The following GRM5 variants were observed in gnomAD, a reference collection of about 807,000 sequenced individuals.
GRM5 encodes the protein metabotropic glutamate receptor 5.
Under a neutral mutation model 83.1 loss-of-function variants are expected in GRM5, and 19 were observed. That is an observed-to-expected ratio of 0.23 (90% CI 0.16 to 0.34). The LOEUF (loss-of-function observed/expected upper bound fraction) is 0.34. GRM5 is among the 10% of genes least tolerant of loss of function. The pLI, the probability that GRM5 is intolerant of heterozygous loss-of-function variation, is 1.00. For missense variants in GRM5, 1,160 were observed against 1,588.3 expected, an observed-to-expected ratio of 0.73 and a Z score of 4.58; for synonymous variants, 675 against 633.6, an observed-to-expected ratio of 1.07 and a Z score of -0.98.
chr11:88,681,680 C>T (rs1423407395), intron 3 of GRM5, among the ~76,000 whole-genome samples: 1 of 147,818 alleles, frequency 6.8e-6, no homozygotes, highest in East Asian at 2.0e-4. Context: ...AAACGATTCT[C>T]CTACCTCAGC....
intron 2 of GRM5, among the ~76,000 whole-genome samples, chr11:88,860,093 AT>A (rs769403057): frequency 2.6e-5 from 4 of 152,120 alleles, no homozygotes; most frequent in Non-Finnish European, 4.4e-5. Context: ...AAAAACAGTG[AT>A]TTTGGTGTTA....
intron 9 of GRM5, among the ~76,000 whole-genome samples, 192 bp from the exon 10 acceptor site, chr11:88,509,696 A>G (rs1941309199): frequency 6.6e-6 from 1 of 152,166 alleles, no homozygotes; most frequent in Non-Finnish European, 1.5e-5. Flanking sequence ...GTTTTGAGTT[A>G]AAGACTGCTT....
At chr11:88,597,885 A>C (rs1937861179) in intron 5 of GRM5, among the ~76,000 whole-genome samples, 1 of 152,118 alleles carries the variant, frequency 6.6e-6, no homozygotes, top group African/African-American at 2.4e-5. Flanking sequence ...AAAAAGTTTG[A>C]AAATAGCTTC....
intron 3 of GRM5, among the ~76,000 whole-genome samples, chr11:88,823,875 T>C (rs531062618): frequency 6.6e-6 from 1 of 152,326 alleles, no homozygotes; most frequent in East Asian, 1.9e-4. Flanking sequence ...GTTTCAACTC[T>C]TTGGCTAACT....
intron 2 of GRM5, among the ~76,000 whole-genome samples, chr11:88,966,159 G>T (rs552516265): frequency 6.6e-6 from 1 of 151,994 alleles, no homozygotes; most frequent in Non-Finnish European, 1.5e-5. Context: ...AGAGGTCAAA[G>T]AAGTCTCAAG....
intron 6 of GRM5, among the ~76,000 whole-genome samples, chr11:88,591,805 C>G (rs1220802113): frequency 6.6e-6 from 1 of 152,134 alleles, no homozygotes; most frequent in Non-Finnish European, 1.5e-5. Context: ...CCTAAAGTAA[C>G]TAAATAAGTG....
At chr11:88,716,192 G>C (rs1392209591) in intron 3 of GRM5, among the ~76,000 whole-genome samples, 2 of 151,976 alleles carry the variant, frequency 1.3e-5, no homozygotes, top group African/African-American at 4.8e-5. Context: ...AATGGTTCAG[G>C]CCAGATGTAG....
chr11:88,684,792 T>C (rs1415214787), intron 3 of GRM5, among the ~76,000 whole-genome samples: 1 of 152,238 alleles, frequency 6.6e-6, no homozygotes, highest in Non-Finnish European at 1.5e-5. Context: ...CAAGGGTTTC[T>C]GCTTTTGTAT....
chr11:88,834,344 G>T (rs186983181), intron 3 of GRM5, among the ~76,000 whole-genome samples: 1 of 152,192 alleles, frequency 6.6e-6, no homozygotes, highest in African/African-American at 2.4e-5. Flanking sequence ...ACAGATTTTG[G>T]CATGTACAAA....
In GRM5 at chr11:88,726,425, A is replaced by T. The variant is rs1009542503; in HGVS notation, c.912-73022T>A. On this transcript the variant is annotated intron_variant, in intron 3 of 9. Coordinates refer to ENST00000305447, the MANE Select transcript of GRM5 (RefSeq NM_001143831.3). The stretch of plus-strand genomic sequence containing the variant: ...AACCTGTGTTTGATTGGTGTACCTG[A>T]AAGTGATGAGGAGAATGAAACCAAG... Among the ~76,000 whole-genome samples, 4 of 152,240 alleles carry T rather than the reference A, an allele frequency of 2.6e-5. No individual in the cohort carries two copies. In the South Asian group the frequency reaches 8.3e-4, roughly 31 times the overall value.
chr11:88,793,090 C>T (rs889951817), intron 3 of GRM5, among the ~76,000 whole-genome samples: 1 of 152,064 alleles, frequency 6.6e-6, no homozygotes, highest in Non-Finnish European at 1.5e-5. Context: ...AGATTATACC[C>T]TTCTGTTCAG....
intron 3 of GRM5, among the ~76,000 whole-genome samples, chr11:88,781,564 A>G (rs1591511890): frequency 6.6e-6 from 1 of 151,654 alleles, no homozygotes; most frequent in Non-Finnish European, 1.5e-5. Flanking sequence ...TGTCCTGGCT[A>G]TGATTCCAGT....
intron 2 of GRM5, among the ~76,000 whole-genome samples, chr11:89,004,458 C>T (rs1940470245): frequency 6.6e-6 from 1 of 152,140 alleles, no homozygotes; most frequent in African/African-American, 2.4e-5. Flanking sequence ...GATCAAAGAG[C>T]TTTCCTTCTT....
intron 2 of GRM5, among the ~76,000 whole-genome samples, chr11:88,953,474 A>G (rs1295549314): frequency 6.6e-6 from 1 of 152,228 alleles, no homozygotes; most frequent in African/African-American, 2.4e-5. Context: ...AAAAGAAGGT[A>G]CACGAAGCAG....
intron 3 of GRM5, among the ~76,000 whole-genome samples, chr11:88,750,929 T>G (rs1389460933): frequency 6.6e-6 from 1 of 151,616 alleles, no homozygotes; most frequent in Non-Finnish European, 1.5e-5. Flanking sequence ...AGAGGGAAAT[T>G]TATAGCACTC....
intron 2 of GRM5, among the ~76,000 whole-genome samples, chr11:88,851,322 G>C (rs1944386957): frequency 6.6e-6 from 1 of 152,110 alleles, no homozygotes. Context: ...AGATAACCAA[G>C]CTGTAGAACA....
chr11:88,973,129 T>C (rs1365177608), intron 2 of GRM5, among the ~76,000 whole-genome samples: 3 of 152,150 alleles, frequency 2.0e-5, no homozygotes, highest in African/African-American at 7.2e-5. Flanking sequence ...ATATCTGGGA[T>C]AATTAGGAAA....
intron 2 of GRM5, among the ~76,000 whole-genome samples, chr11:89,024,937 T>A (rs1941093431): frequency 6.6e-6 from 1 of 152,190 alleles, no homozygotes; most frequent in Admixed American, 6.5e-5. Context: ...TCTACACCAC[T>A]AACAGACAAT....
At chr11:88,660,165 A>G (rs72956733) in intron 3 of GRM5, among the ~76,000 whole-genome samples, 7,104 of 152,244 alleles carry the variant, frequency 0.047, 185 homozygotes, top group Middle Eastern at 0.068. Context: ...TTTCTCACTT[A>G]TCCTTCAAAT....
Sources: allele counts gnomAD v4.1 joint callset (sites outside exome capture counted in the v4.1 genomes callset), GRCh38; gene constraint gnomAD v4.1.1; transcripts MANE v1.5; gene names NCBI Gene and HGNC (gene_info 2026-07-23, HGNC 2026-07-21).